JAZF1: variants seen among roughly 807,000 people sequenced by gnomAD.
The protein encoded by JAZF1 is juxtaposed with another zinc finger protein 1.
In JAZF1, 8 loss-of-function variants were observed where a neutral mutation model predicts 26.4. The observed-to-expected ratio is 0.30, with a 90% CI of 0.18 to 0.55. The LOEUF (loss-of-function observed/expected upper bound fraction) is 0.55. Ranked by LOEUF, JAZF1 falls within the 20% of genes least tolerant of loss-of-function variation. The pLI is 0.94. For synonymous variants in JAZF1, 126 were observed against 122.3 expected, an observed-to-expected ratio of 1.03 and a Z score of -0.20; for missense variants, 199 against 322.0, an observed-to-expected ratio of 0.62 and a Z score of 2.92.
intron 3 of JAZF1, among the ~76,000 whole-genome samples, chr7:27,863,325 A>G (rs1783414448): frequency 6.6e-6 from 1 of 152,114 alleles, no homozygotes. Context: ...CGGTGGCTAT[A>G]AAATGCTGAG....
chr7:27,891,523 A>G (rs1783976761), intron 3 of JAZF1, among the ~76,000 whole-genome samples: 1 of 152,234 alleles, frequency 6.6e-6, no homozygotes, highest in Admixed American at 6.5e-5. Flanking sequence ...AGATTCTTCT[A>G]GGATGTAAAA....
chr7:27,983,014 A>G (rs1029315220), intron 2 of JAZF1, among the ~76,000 whole-genome samples: 1 of 152,240 alleles, frequency 6.6e-6, no homozygotes, highest in African/African-American at 2.4e-5. Flanking sequence ...AAAGCTGAAA[A>G]TTCTAAAAAT....
intron 1 of JAZF1, among the ~76,000 whole-genome samples, chr7:28,092,017 T>TA (rs1784304976): frequency 6.6e-6 from 1 of 152,122 alleles, no homozygotes; most frequent in Admixed American, 6.5e-5. Flanking sequence ...ATTCAACTTC[T>TA]AGTGAGAAAA....
chr7:27,942,429 G>A (rs1331875988), intron 2 of JAZF1, among the ~76,000 whole-genome samples: 1 of 152,220 alleles, frequency 6.6e-6, no homozygotes, highest in Non-Finnish European at 1.5e-5. Flanking sequence ...TTTGCAACCT[G>A]CCTTGGTAAT....
chr7:28,179,224 G>C (rs1035916417), intron 1 of JAZF1, among the ~76,000 whole-genome samples: 1 of 152,230 alleles, frequency 6.6e-6, no homozygotes, highest in African/African-American at 2.4e-5. Flanking sequence ...AGCCCACGCA[G>C]GACAACTCGC....
At chr7:28,017,935 G>A (rs1330007042) in intron 1 of JAZF1, among the ~76,000 whole-genome samples, 3 of 152,126 alleles carry the variant, frequency 2.0e-5, no homozygotes, top group Non-Finnish European at 4.4e-5. Flanking sequence ...CACCACGTCT[G>A]GCTAATTTTT....
chr7:28,029,467 ACAGAACAGAC>A (rs1783149139), intron 1 of JAZF1, among the ~76,000 whole-genome samples: 1 of 152,242 alleles, frequency 6.6e-6, no homozygotes, highest in Non-Finnish European at 1.5e-5. Context: ...AGCACAGGCA[ACAGAACAGAC>A]CATGGGAAGT....
At chr7:28,056,475 CAAT>C (rs1783712812) in intron 1 of JAZF1, among the ~76,000 whole-genome samples, 1 of 119,916 alleles carries the variant, frequency 8.3e-6, no homozygotes, top group South Asian at 2.8e-4. Context: ...CACACACACA[CAAT>C]AAGAAAGAAA....
intron 1 of JAZF1, among the ~76,000 whole-genome samples, chr7:28,143,866 C>A (rs1428561356): frequency 6.6e-6 from 1 of 152,192 alleles, no homozygotes; most frequent in Non-Finnish European, 1.5e-5. Flanking sequence ...ATTTTATTAT[C>A]TGTCTTTCCT....
chr7:27,838,466 G>T (rs1267092390), intron 4 of JAZF1, among the ~76,000 whole-genome samples: 5 of 152,084 alleles, frequency 3.3e-5, no homozygotes, highest in South Asian at 4.2e-4. Flanking sequence ...GTAGATCCTG[G>T]TCAGTGCCCA....
intron 2 of JAZF1, among the ~76,000 whole-genome samples, chr7:27,948,314 A>G (rs1396438929): frequency 6.6e-6 from 1 of 152,140 alleles, no homozygotes; most frequent in Non-Finnish European, 1.5e-5. Context: ...AACACAGCCA[A>G]ATAAAAACTA....
chr7:28,106,764 T>C (rs1332044591), intron 1 of JAZF1, among the ~76,000 whole-genome samples: 1 of 152,146 alleles, frequency 6.6e-6, no homozygotes, highest in Non-Finnish European at 1.5e-5. Context: ...ATATAAATAC[T>C]CCTTTCAGCT....
At chr7:27,982,412 C>T (rs922411082) in intron 2 of JAZF1, among the ~76,000 whole-genome samples, 28 of 152,158 alleles carry the variant, frequency 1.8e-4, no homozygotes, top group African/African-American at 4.1e-4. Context: ...GAGGGGCGTC[C>T]GCCACTGCTG....
chr7:27,900,210 T>C (rs1784143182), intron 2 of JAZF1, among the ~76,000 whole-genome samples: 2 of 152,326 alleles, frequency 1.3e-5, no homozygotes, highest in Non-Finnish European at 2.9e-5. Flanking sequence ...TGGCTCATAC[T>C]GGGTTGTGAA....
chr7:28,146,659 T>C (rs897881670), intron 1 of JAZF1, among the ~76,000 whole-genome samples: 1 of 152,186 alleles, frequency 6.6e-6, no homozygotes, highest in Admixed American at 6.5e-5. Flanking sequence ...TGTCTCCCTA[T>C]TCCAAATGGT....
intron 1 of JAZF1, among the ~76,000 whole-genome samples, chr7:28,135,734 T>C (rs1364803547): frequency 6.6e-6 from 1 of 152,180 alleles, no homozygotes; most frequent in African/African-American, 2.4e-5. Context: ...TAAAAACTCA[T>C]TTCAGGGTGA....
At chr7:27,898,245 C>G (rs1024841374) in intron 2 of JAZF1, among the ~76,000 whole-genome samples, 4 of 146,176 alleles carry the variant, frequency 2.7e-5, no homozygotes, top group African/African-American at 1.0e-4. Context: ...GAGGGAGAGA[C>G]AGCCAGAGGC....
At chr7:27,906,245 G>A (rs1006775351) in intron 2 of JAZF1, among the ~76,000 whole-genome samples, 3 of 134,998 alleles carry the variant, frequency 2.2e-5, no homozygotes, top group African/African-American at 8.4e-5. Context: ...GGGTGGTGAG[G>A]TGCTGGATGC....
chr7:28,005,669 C>T (rs907175217), intron 1 of JAZF1, among the ~76,000 whole-genome samples: 5 of 152,132 alleles, frequency 3.3e-5, no homozygotes, highest in African/African-American at 1.2e-4. Flanking sequence ...ATTTATCGTT[C>T]CTGATTCTGT....
Sources: allele counts gnomAD v4.1 joint callset (sites outside exome capture counted in the v4.1 genomes callset), GRCh38; gene constraint gnomAD v4.1.1; transcripts MANE v1.5; gene names NCBI Gene and HGNC (gene_info 2026-07-23, HGNC 2026-07-21).